Variants in ULK1 observed in about 807,000 individuals in gnomAD.
ULK1 encodes the protein unc-51 like autophagy activating kinase 1.
In ULK1, 48 loss-of-function variants were observed where a neutral mutation model predicts 117.5. The ratio of observed to expected loss-of-function variants is 0.41; its 90% CI spans 0.32 to 0.52. The LOEUF (loss-of-function observed/expected upper bound fraction) is 0.52. ULK1 is among the 20% of genes least tolerant of loss of function. The pLI is 0.29. For synonymous variants in ULK1, 790 were observed against 637.8 expected, an observed-to-expected ratio of 1.24 and a Z score of -3.60; for missense variants, 1,387 against 1,473.4, an observed-to-expected ratio of 0.94 and a Z score of 0.96.
intron 12 of ULK1, 57 bp downstream of exon 12, chr12:131,910,857 T>C (rs534840424): frequency 6.2e-7 from 1 of 1,605,694 alleles, no homozygotes; most frequent in African/African-American, 1.3e-5. Flanking sequence ...AGTCAGGGGC[T>C]CCAGCCCTGG....
intron 3 of ULK1, among the ~76,000 whole-genome samples, chr12:131,901,776 G>C (rs1417741397): frequency 1.3e-5 from 2 of 152,150 alleles, no homozygotes; most frequent in Admixed American, 6.5e-5. Context: ...CTGAAGGACA[G>C]AGCTGCTGGG....
chr12:131,902,771 G>T lies in ULK1; in HGVS notation c.247-4121G>T, dbSNP rs1417512515. Among the ~76,000 whole-genome samples, 1 of 152,086 alleles carries T rather than the reference G, an allele frequency of 6.6e-6. No individual in the cohort carries two copies. Among genetic ancestry groups the T allele is most frequent in the African/African-American group, 2.4e-5 (1 of 41,410 alleles). On this transcript the variant is annotated intron_variant, in intron 3 of 27. Coordinates refer to ENST00000321867, the MANE Select transcript of ULK1 (RefSeq NM_003565.4). The surrounding 1 kb of genome is among the most constrained non-coding windows in gnomAD (Gnocchi z 6.3). ...GCCACAACTGTGTGTGTCACCACGGGACGGACCCCCGGACCCTGTCTTGGG... is the reference window on the plus strand; with the variant it reads ...GCCACAACTGTGTGTGTCACCACGGTACGGACCCCCGGACCCTGTCTTGGG...
At chr12:131,898,237 T>C (rs1244366832) in intron 3 of ULK1, 1 of 152,194 alleles carries the variant, frequency 6.6e-6, no homozygotes, top group African/African-American at 2.4e-5. Flanking sequence ...CAAGGCCCTG[T>C]AGGTGGGACA....
rs1001363087 is a variant in ULK1, at chr12:131,916,099, C to T, written c.1818C>T (p.Pro606=). ...CCTGCCGGAACCTGCGGGGCTCACC[C>T]AAGCTGCCCGACTTCCTGCAGCGAA... ...LQSCRNLRGS[P]KLPDFLQRNP... is the part of the protein sequence containing the mutation. Residue 606 remains proline, a synonymous_variant, in exon 19 of 28, where the codon CCC becomes CCT. Transcript: ENST00000321867. The T allele has an allele frequency of 8.1e-6, 13 of 1,612,366 alleles. No individual in the cohort carries two copies. Among genetic ancestry groups the T allele is most frequent in the Non-Finnish European group, 1.1e-5 (13 of 1,179,830 alleles).
intron 3 of ULK1, among the ~76,000 whole-genome samples, chr12:131,904,100 G>A (rs1161840204): frequency 2.0e-5 from 3 of 152,038 alleles, no homozygotes; most frequent in Admixed American, 6.5e-5. Context: ...TCCTTGCCAG[G>A]GTCCTGTGGG....
Position 131,899,412 on chromosome 12 carries a change from T to G in ULK1, c.246+3588T>G, listed in dbSNP as rs528184447. On this transcript the variant is annotated intron_variant, in intron 3 of 27. Coordinates refer to ENST00000321867, the MANE Select transcript of ULK1 (RefSeq NM_003565.4). ...TGTGTTGGTCAGGATGGTCTAGAAC[T>G]CCCGACCTCAGGTGATCCGCCCACA... is the stretch of plus-strand genomic sequence containing the variant. Among the ~76,000 whole-genome samples the G allele has an allele frequency of 4.0e-4, 61 of 151,692 alleles. No individual in the cohort carries two copies. The South Asian group carries it at 4.2e-3, about 10-fold the overall frequency.
intron 8 of ULK1, among the ~76,000 whole-genome samples, 159 bp from the exon 9 acceptor site, chr12:131,909,616 C>G (rs968023475): frequency 6.6e-6 from 1 of 152,188 alleles, no homozygotes; most frequent in Non-Finnish European, 1.5e-5. Flanking sequence ...CGCCCCCATG[C>G]TCATACCTCC....
chr12:131,920,968 C>T (rs1195005189), intron 26 of ULK1, 132 bp from the exon 27 acceptor site: 3 of 1,272,162 alleles, frequency 2.4e-6, no homozygotes, highest in Admixed American at 2.7e-5. Context: ...GCTGCACCAG[C>T]ACTTATGTCT....
rs1036094418 is a variant in ULK1 at position 131,902,124 on chromosome 12, C to T, written c.247-4768C>T. On this transcript the variant is annotated intron_variant, in intron 3 of 27. Transcript: ENST00000321867. The surrounding 1 kb of genome is among the most constrained non-coding windows in gnomAD (Gnocchi z 6.3). ...CAATGGGCGGCTGCAGGTGGTTCCC[C>T]AGGGCCAGAGGGTGGCCCTTCCTTC... 1.3e-5 allele frequency among the ~76,000 whole-genome samples: 2 copies of T among 152,174 alleles called. No homozygotes were observed. Among genetic ancestry groups the T allele is most frequent in the South Asian group, 4.1e-4 (2 of 4,832 alleles).
chr12:131,914,212 A>G lies in ULK1; in HGVS notation c.1248-140A>G, dbSNP rs183322814. The G allele has an allele frequency of 5.8e-6, 8 of 1,373,536 alleles. No homozygotes were observed. In the African/African-American group the frequency reaches 1.0e-4, roughly 17 times the overall value. The allele number at this position is 1,373,536 out of a possible 1,614,324, so 85.1% of individuals were successfully genotyped here. ...AGAGGCATGGAAGCCGGCTCTTTTC[A>G]GACCTGGCATGGGTCTCAGGGTGGC... On this transcript the variant is annotated intron_variant, in intron 15 of 27. Coordinates refer to ENST00000321867, the MANE Select transcript of ULK1 (RefSeq NM_003565.4).
At chr12:131,895,846 CTG>C in intron 3 of ULK1, 22 bp downstream of exon 3, 1 of 1,613,918 alleles carries the variant, frequency 6.2e-7, no homozygotes, top group East Asian at 2.2e-5. Context: ...GGGCTGCGGT[CTG>C]CTGGGGACCG....
At position 131,903,153 on chromosome 12, in the gene ULK1, G is replaced by A. The variant is rs1453889633; in HGVS notation, c.247-3739G>A. On this transcript the variant is annotated intron_variant, in intron 3 of 27. Transcript: ENST00000321867. This position sits in a 1 kb window ranked among gnomAD's most constrained non-coding sequence, Gnocchi z 6.0. ...ACAGGCCCAGCTGGGGGCCCCCGTC[G>A]GGGGGTGTTGTGGCGCAGGGCCTGG... is the stretch of plus-strand genomic sequence containing the variant. 1.3e-5 allele frequency among the ~76,000 whole-genome samples: 2 copies of A among 152,160 alleles called. No homozygotes were observed. Among genetic ancestry groups the A allele is most frequent in the Admixed American group, 6.5e-5 (1 of 15,286 alleles).
At chr12:131,897,880 C>CA (rs1888937403) in intron 3 of ULK1, 1 of 152,240 alleles carries the variant, frequency 6.6e-6, no homozygotes, top group Non-Finnish European at 1.5e-5. Context: ...GCCTGGGCAG[C>CA]AGAGTGTAAC....
intron 18 of ULK1, 135 bp from the exon 19 acceptor site, chr12:131,915,756 G>T: frequency 8.0e-7 from 1 of 1,249,374 alleles, no homozygotes; most frequent in South Asian, 1.4e-5. Context: ...ATGACAGGGC[G>T]AGACCCCGTC....
In ULK1 at chr12:131,914,356, G is replaced by A. The variant is rs149734554; in HGVS notation, c.1252G>A (p.Ala418Thr). The A allele has an allele frequency of 8.1e-5, 131 of 1,610,230 alleles. 1 individual carries two copies. The East Asian group carries it at 1.3e-3, about 16-fold the overall frequency. ...CCTGACCTCTCTCCACCACAGCCGG[G>A]CTGGCCCGTTCTCCAGCAGCAGGTG... ...CSSSPSPSGRAGPFSSSRCGA... is the reference protein window; with the variant it reads ...CSSSPSPSGRTGPFSSSRCGA... The change falls in exon 16 of 28, where the codon GCT (alanine) becomes ACT (threonine). Residue 418 changes from alanine (A) to threonine (T), a missense_variant. Physicochemically the swap from Ala to Thr is moderately conservative, Grantham distance 58. Transcript: ENST00000321867.
chr12:131,911,684 G>C (rs974275697), intron 12 of ULK1, among the ~76,000 whole-genome samples: 5 of 152,184 alleles, frequency 3.3e-5, no homozygotes, highest in Admixed American at 2.0e-4. Context: ...GGAGCTGAGG[G>C]CTTCAACCCA....
At chr12:131,915,718 G>A (rs1042950009) in intron 18 of ULK1, among the ~76,000 whole-genome samples, 173 bp from the exon 19 acceptor site, 1 of 152,016 alleles carries the variant, frequency 6.6e-6, no homozygotes. Context: ...GCAGTGAGCC[G>A]AGATCATACC....
chr12:131,912,096 G>A lies in ULK1; in HGVS notation c.1096+7G>A, dbSNP rs996595558. 2 of 1,609,218 alleles carry A rather than the reference G, an allele frequency of 1.2e-6. No homozygotes were observed. Among genetic ancestry groups the A allele is most frequent in the African/African-American group, 2.7e-5 (2 of 74,874 alleles). ...GTCCCCGCGCAGTTTCCAGGTCAGGGGGCACGCTGGGCTTGGAGGTGACGC... is the reference window on the plus strand; with the variant it reads ...GTCCCCGCGCAGTTTCCAGGTCAGGAGGCACGCTGGGCTTGGAGGTGACGC... On this transcript the variant is annotated splice_region_variant and intron_variant, in intron 13 of 27. Transcript: ENST00000321867.
rs1409532975 is a variant in ULK1, at chr12:131,919,377, G to A, written c.2677G>A (p.Glu893Lys). ...CGACCAGATCAGCCTGCTGAGCCGAGAATGGGGGTGGGTGCCGCCAGGGCT... is the reference window on the plus strand; with the variant it reads ...CGACCAGATCAGCCTGCTGAGCCGAAAATGGGGGTGGGTGCCGCCAGGGCT... The part of the protein sequence containing the change: ...VADQISLLSR[E>K]WGFAEQLVLY... Residue 893 changes from glutamate (E) to lysine (K), a missense_variant, in exon 24 of 28, where the codon GAA becomes AAA. Physicochemically the swap from Glu to Lys is moderately conservative, Grantham distance 56. Around this residue, in one of 4 missense-constraint regions of ULK1, gnomAD observed 900 missense variants for 858.9 expected, o/e 1.05. Transcript: ENST00000321867. The A allele has an allele frequency of 2.0e-6, 2 of 1,019,196 alleles. No individual in the cohort carries two copies. The highest frequency in any genetic ancestry group is 1.7e-5 in the African/African-American group (1 of 59,390). 63.1% of individuals were successfully genotyped at this position (1,019,196 alleles called of 1,614,324 possible). A position where few individuals can be genotyped will look rare whatever the true frequency, so the allele number is the denominator to read the frequency against.
Sources: allele counts gnomAD v4.1 joint callset (sites outside exome capture counted in the v4.1 genomes callset), GRCh38; gene constraint gnomAD v4.1.1; regional missense constraint gnomAD v4.1.1; non-coding constraint Gnocchi (gnomAD v3.1); transcripts MANE v1.5; gene names NCBI Gene and HGNC (gene_info 2026-07-23, HGNC 2026-07-21).